The following RASGEF1C variants were observed in gnomAD, a reference collection of about 807,000 sequenced individuals.
The protein encoded by RASGEF1C is ras-GEF domain-containing family member 1C.
A neutral mutation model predicts 58.1 loss-of-function variants in RASGEF1C; 27 were observed. The observed-to-expected ratio is 0.46, with a 90% CI of 0.34 to 0.64. The LOEUF (loss-of-function observed/expected upper bound fraction) is 0.64, where lower values mean the gene tolerates loss of function less well. RASGEF1C is among the 30% of genes least tolerant of loss of function. The pLI is 0.01. For missense variants in RASGEF1C, 502 were observed against 605.1 expected, an observed-to-expected ratio of 0.83 and a Z score of 1.79; for synonymous variants, 243 against 246.3, an observed-to-expected ratio of 0.99 and a Z score of 0.13.
chr5:180,130,892 C>T (rs1040279815), intron 4 of RASGEF1C, among the ~76,000 whole-genome samples: 18 of 152,148 alleles, frequency 1.2e-4, no homozygotes, highest in Non-Finnish European at 2.5e-4. Context: ...AAATGGAGGT[C>T]GACTCTCCTT....
rs1363637311 is a variant in RASGEF1C at position 180,184,328 on chromosome 5, A to C, written c.-7+24700T>G. ...AGTGGCTCATGCCTGTAATCCCAGC[A>C]CTTTGGGAGGCCGAGGCGGGTGGAT... On this transcript the variant is annotated intron_variant, in intron 1 of 13. Coordinates refer to ENST00000361132, the MANE Select transcript of RASGEF1C (RefSeq NM_175062.4). Among the ~76,000 whole-genome samples, 67 of 152,218 alleles carry C rather than the reference A, an allele frequency of 4.4e-4. 1 individual carries two copies. The highest frequency in any genetic ancestry group is 4.4e-3 in the Admixed American group (67 of 15,286).
chr5:180,176,649 C>T (rs1357846221), intron 1 of RASGEF1C, among the ~76,000 whole-genome samples: 4 of 151,958 alleles, frequency 2.6e-5, no homozygotes, highest in Non-Finnish European at 4.4e-5. Context: ...CTCCGCCTCC[C>T]GGGTTCACGC....
chr5:180,148,283 T>A (rs916506861), intron 1 of RASGEF1C, among the ~76,000 whole-genome samples: 1 of 152,190 alleles, frequency 6.6e-6, no homozygotes, highest in Non-Finnish European at 1.5e-5. Context: ...GGATCTTTTT[T>A]AAAAAATCCA....
chr5:180,144,214 G>A (rs958212342), intron 1 of RASGEF1C, among the ~76,000 whole-genome samples: 3 of 152,182 alleles, frequency 2.0e-5, no homozygotes, highest in South Asian at 2.1e-4. Context: ...CAACTGCACC[G>A]CCATGGTTCC....
intron 4 of RASGEF1C, among the ~76,000 whole-genome samples, chr5:180,134,688 C>T (rs1012495548): frequency 1.3e-5 from 2 of 150,714 alleles, no homozygotes; most frequent in African/African-American, 2.4e-5. Context: ...GCCTACCCAT[C>T]GGTCCACCAT....
At chr5:180,139,776 C>T (rs1399090504) in intron 1 of RASGEF1C, among the ~76,000 whole-genome samples, 2 of 152,224 alleles carry the variant, frequency 1.3e-5, no homozygotes, top group Non-Finnish European at 2.9e-5. Flanking sequence ...GCGGGATGGG[C>T]CGGCTGCAGG....
At position 180,197,437 on chromosome 5, in the gene RASGEF1C, C is replaced by T. The variant is rs893276459; in HGVS notation, c.-7+11591G>A. Among the ~76,000 whole-genome samples, 11 of 152,190 alleles carry T rather than the reference C, an allele frequency of 7.2e-5. No homozygotes were observed. The highest frequency in any genetic ancestry group is 1.6e-4 in the Non-Finnish European group (11 of 68,022). ...GAGCCTAGCTCAGGCCTGAAACCCA[C>T]GGCTGCTCAGCATGTGTTTATTGGG... On this transcript the variant is annotated intron_variant, in intron 1 of 13. Transcript: ENST00000361132. The surrounding 1 kb of genome is among the most constrained non-coding windows in gnomAD (Gnocchi z 4.7).
intron 1 of RASGEF1C, among the ~76,000 whole-genome samples, chr5:180,176,712 ATG>A (rs1328021468): frequency 6.6e-6 from 1 of 151,996 alleles, no homozygotes; most frequent in Admixed American, 6.6e-5. Flanking sequence ...GTCTGCCACC[ATG>A]CCCGGCTAAT....
At chr5:180,208,435 T>C (rs973525958) in intron 1 of RASGEF1C, among the ~76,000 whole-genome samples, 2 of 152,078 alleles carry the variant, frequency 1.3e-5, no homozygotes, top group Non-Finnish European at 2.9e-5. Context: ...CTAAATACAA[T>C]GAGTGGACCA....
chr5:180,120,724 G>C (rs934338390), intron 7 of RASGEF1C, among the ~76,000 whole-genome samples: 1 of 152,190 alleles, frequency 6.6e-6, no homozygotes, highest in African/African-American at 2.4e-5. Flanking sequence ...AGCCAAACGA[G>C]GCCCGTTGCA....
chr5:180,196,774 C>T (rs1756287497), intron 1 of RASGEF1C, among the ~76,000 whole-genome samples: 1 of 152,248 alleles, frequency 6.6e-6, no homozygotes, highest in Middle Eastern at 3.4e-3. Flanking sequence ...TGCTGGCGGG[C>T]AATCAACCTT....
rs1295924323 is a variant in RASGEF1C at position 180,158,916 on chromosome 5, A to C, written c.-6-20858T>G. Among the ~76,000 whole-genome samples, 4 of 152,090 alleles carry C rather than the reference A, an allele frequency of 2.6e-5. No homozygotes were observed. Among genetic ancestry groups the C allele is most frequent in the Admixed American group, 2.6e-4 (4 of 15,268 alleles). On this transcript the variant is annotated intron_variant, in intron 1 of 13. Transcript: ENST00000361132. This position sits in a 1 kb window ranked among gnomAD's most constrained non-coding sequence, Gnocchi z 4.0. ...CCCTGGACTTGTCCTCCAATTTAAA[A>C]AATATTTTCTCTCCTACTTTCCATT...
chr5:180,103,558 T>G (rs896953739), intron 12 of RASGEF1C, among the ~76,000 whole-genome samples: 2 of 152,262 alleles, frequency 1.3e-5, no homozygotes, highest in African/African-American at 4.8e-5. Flanking sequence ...GCAACCTTGC[T>G]GAACTCCCTT....
At chr5:180,126,331 C>G (rs113451182) in intron 6 of RASGEF1C, among the ~76,000 whole-genome samples, 5 of 152,204 alleles carry the variant, frequency 3.3e-5, no homozygotes, top group African/African-American at 1.2e-4. Flanking sequence ...GGTGTGAACC[C>G]GGGAGGCGGA....
At chr5:180,190,113 C>T (rs1220420055) in intron 1 of RASGEF1C, among the ~76,000 whole-genome samples, 1 of 151,730 alleles carries the variant, frequency 6.6e-6, no homozygotes, top group East Asian at 1.9e-4. Context: ...CTTTGGGAGG[C>T]CAAGGTATTA....
At chr5:180,157,818 G>T (rs115937957) in intron 1 of RASGEF1C, among the ~76,000 whole-genome samples, 1 of 152,106 alleles carries the variant, frequency 6.6e-6, no homozygotes, top group Non-Finnish European at 1.5e-5. Context: ...TGGGGAGGGA[G>T]GAATAGGTGA....
intron 1 of RASGEF1C, among the ~76,000 whole-genome samples, chr5:180,205,285 CA>C (rs879929499): frequency 2.6e-5 from 4 of 151,848 alleles, no homozygotes; most frequent in Non-Finnish European, 2.9e-5. Context: ...AAATAACATA[CA>C]CGAAACAGTA....
intron 1 of RASGEF1C, among the ~76,000 whole-genome samples, chr5:180,200,184 G>A (rs550435559): frequency 2.6e-5 from 4 of 151,842 alleles, no homozygotes; most frequent in Admixed American, 1.3e-4. Context: ...TGCTTGAACC[G>A]GGACCTGGGA....
intron 1 of RASGEF1C, among the ~76,000 whole-genome samples, chr5:180,180,570 G>A (rs1167201406): frequency 2.0e-5 from 3 of 152,216 alleles, no homozygotes; most frequent in Admixed American, 1.3e-4. Flanking sequence ...CCTGCCCAGA[G>A]GTGCCAGGAG....
Sources: allele counts gnomAD v4.1 joint callset (sites outside exome capture counted in the v4.1 genomes callset), GRCh38; gene constraint gnomAD v4.1.1; non-coding constraint Gnocchi (gnomAD v3.1); transcripts MANE v1.5; gene names NCBI Gene and HGNC (gene_info 2026-07-23, HGNC 2026-07-21).